MAP2: variants seen among roughly 807,000 people sequenced by gnomAD.
MAP2 encodes microtubule associated protein 2.
MAP2 carries 14 observed loss-of-function variants against 137.6 expected under a neutral mutation model. The ratio of observed to expected loss-of-function variants is 0.10; its 90% CI spans 0.07 to 0.16. MAP2 has a LOEUF of 0.16. MAP2 is among the 10% of genes least tolerant of loss of function. The pLI is 1.00. For synonymous variants in MAP2, 786 were observed against 782.3 expected, an observed-to-expected ratio of 1.00 and a Z score of -0.08; for missense variants, 2,088 against 2,191.5, an observed-to-expected ratio of 0.95 and a Z score of 0.94.
intron 1 of MAP2, among the ~76,000 whole-genome samples, chr2:209,493,161 C>CA (rs2059340927): frequency 6.6e-6 from 1 of 152,008 alleles, no homozygotes; most frequent in Non-Finnish European, 1.5e-5. Context: ...ACAAATGTGA[C>CA]AAAAACAAGC....
At chr2:209,456,235 A>G (rs542589242) in intron 1 of MAP2, among the ~76,000 whole-genome samples, 2 of 152,304 alleles carry the variant, frequency 1.3e-5, no homozygotes, top group East Asian at 3.9e-4. Context: ...GTGCATCCTT[A>G]GGAATTATAA....
chr2:209,435,998 T>TAATATATACCGTATATATTATATATA (rs1559159522), intron 1 of MAP2, among the ~76,000 whole-genome samples: 1 of 88,806 alleles, frequency 1.1e-5, no homozygotes, highest in African/African-American at 6.3e-5. Flanking sequence ...TATTATATAC[T>TAATATATACCGTATATATTATATATA]ATATATACAG....
intron 3 of MAP2, among the ~76,000 whole-genome samples, chr2:209,588,007 G>T (rs1038621984): frequency 2.0e-5 from 3 of 152,322 alleles, no homozygotes; most frequent in Non-Finnish European, 4.4e-5. Flanking sequence ...CTTGAGGAGA[G>T]AAGCCATGTT....
chr2:209,716,315 T>C (rs1254875102), intron 13 of MAP2, among the ~76,000 whole-genome samples: 2 of 152,226 alleles, frequency 1.3e-5, no homozygotes, highest in Non-Finnish European at 2.9e-5. Flanking sequence ...ATGAATGTAT[T>C]ATGCCATATT....
intron 1 of MAP2, among the ~76,000 whole-genome samples, chr2:209,467,581 A>G (rs957292794): frequency 1.3e-5 from 2 of 152,046 alleles, no homozygotes; most frequent in African/African-American, 4.8e-5. Context: ...CTTTCTCTGT[A>G]TTACCATTTT....
At chr2:209,627,840 T>G (rs994537729) in intron 4 of MAP2, among the ~76,000 whole-genome samples, 7 of 152,178 alleles carry the variant, frequency 4.6e-5, no homozygotes, top group Non-Finnish European at 7.4e-5. Flanking sequence ...TGCTGTGATA[T>G]CCTCACACTG....
chr2:209,694,388 G>A lies in MAP2; in HGVS notation c.2218G>A (p.Asp740Asn). ...TCTAACCAACACTAGTGGAAGTATGGATGAAGGGGATGATTACCTTCCAGC... is the reference window on the plus strand; with the variant it reads ...TCTAACCAACACTAGTGGAAGTATGAATGAAGGGGATGATTACCTTCCAGC... ...DILTNTSGSMDEGDDYLPATT... is the reference protein window; with the variant it reads ...DILTNTSGSMNEGDDYLPATT... Residue 740 changes from aspartate (D) to asparagine (N), a missense_variant, in exon 8 of 16, where the codon GAT becomes AAT. Coordinates refer to ENST00000682079, the MANE Select transcript of MAP2 (RefSeq NM_001375505.1). 1 of 1,614,100 alleles carries A rather than the reference G, an allele frequency of 6.2e-7. No homozygotes were observed. The highest frequency in any genetic ancestry group is 1.1e-5 in the South Asian group (1 of 91,072).
intron 3 of MAP2, among the ~76,000 whole-genome samples, chr2:209,589,605 A>G (rs1476938541): frequency 6.6e-6 from 1 of 152,222 alleles, no homozygotes; most frequent in East Asian, 1.9e-4. Flanking sequence ...TAGTAAAAAT[A>G]GCACAGTCTT....
At chr2:209,491,197 C>T (rs528419113) in intron 1 of MAP2, among the ~76,000 whole-genome samples, 1 of 152,272 alleles carries the variant, frequency 6.6e-6, no homozygotes, top group South Asian at 2.1e-4. Flanking sequence ...TAAATGACTA[C>T]TGGGTAAATA....
At chr2:209,454,791 G>A (rs1701156785) in intron 1 of MAP2, among the ~76,000 whole-genome samples, 1 of 151,462 alleles carries the variant, frequency 6.6e-6, no homozygotes, top group African/African-American at 2.5e-5. Context: ...CAGGTGCATT[G>A]CACTCATTGT....
chr2:209,657,113 C>T (rs367809233), intron 5 of MAP2, among the ~76,000 whole-genome samples: 6 of 152,218 alleles, frequency 3.9e-5, no homozygotes, highest in African/African-American at 1.4e-4. Context: ...TGATTTTATT[C>T]TTTTTTATGG....
At chr2:209,608,285 T>G (rs1277150995) in intron 3 of MAP2, among the ~76,000 whole-genome samples, 2 of 150,430 alleles carry the variant, frequency 1.3e-5, no homozygotes, top group Non-Finnish European at 2.9e-5. Context: ...CATTTCTCCT[T>G]GGAATCTTTT....
In MAP2 at chr2:209,732,981, T is replaced by G. The variant is rs542002160; in HGVS notation, c.*2584T>G. The G allele has an allele frequency of 6.5e-6, 1 of 152,734 alleles. No individual in the cohort carries two copies. Among genetic ancestry groups the G allele is most frequent in the East Asian group, 1.9e-4 (1 of 5,178 alleles). The allele number at this position is 152,734 out of a possible 1,614,324, so 9.5% of individuals were successfully genotyped here. ...TTGTGGGGTTAAGGGGTAGAACCTATCTTGCCTTCACTCTCAAGATAACGA... is the reference window on the plus strand; with the variant it reads ...TTGTGGGGTTAAGGGGTAGAACCTAGCTTGCCTTCACTCTCAAGATAACGA... On this transcript the variant is annotated 3_prime_UTR_variant, in exon 16 of 16. Transcript: ENST00000682079.
rs1056184838 is a variant in MAP2 at position 209,734,104 on chromosome 2, G to A, written c.*3707G>A. 1 of 152,454 alleles carries A rather than the reference G, an allele frequency of 6.6e-6. No homozygotes were observed. Among genetic ancestry groups the A allele is most frequent in the African/African-American group, 2.4e-5 (1 of 41,402 alleles). 9.4% of individuals were successfully genotyped at this position (152,454 alleles called of 1,614,324 possible). A position where few individuals can be genotyped will look rare whatever the true frequency, so the allele number is the denominator to read the frequency against. ...ATTGTTTTGCAAAATAAAATTGCTT[G>A]TCACCTAACTGCTAGTTTTGGTTTC... On this transcript the variant is annotated 3_prime_UTR_variant, in exon 16 of 16. Coordinates refer to ENST00000682079, the MANE Select transcript of MAP2 (RefSeq NM_001375505.1).
chr2:209,598,701 G>GGTTTTTT (rs2082107606), intron 3 of MAP2, among the ~76,000 whole-genome samples: 1 of 150,264 alleles, frequency 6.7e-6, no homozygotes, highest in Non-Finnish European at 1.5e-5. Flanking sequence ...TGTGGTGTTT[G>GGTTTTTT]GTTTTTTGTT....
intron 2 of MAP2, among the ~76,000 whole-genome samples, chr2:209,557,262 T>C (rs2070901228): frequency 6.6e-6 from 1 of 152,230 alleles, no homozygotes; most frequent in Non-Finnish European, 1.5e-5. Flanking sequence ...TCTCACATAA[T>C]GGGAGCATTT....
At chr2:209,487,896 C>G (rs1222690930) in intron 1 of MAP2, among the ~76,000 whole-genome samples, 3 of 152,104 alleles carry the variant, frequency 2.0e-5, no homozygotes, top group Non-Finnish European at 4.4e-5. Context: ...GAAGGAAAAA[C>G]AAAAGGAACT....
At chr2:209,658,802 C>T (rs1276766140) in intron 5 of MAP2, among the ~76,000 whole-genome samples, 3 of 152,196 alleles carry the variant, frequency 2.0e-5, no homozygotes, top group Admixed American at 6.5e-5. Flanking sequence ...CCACTGCGCC[C>T]GGCCGAGAGG....
chr2:209,628,095 G>A (rs769735348), intron 4 of MAP2, among the ~76,000 whole-genome samples: 1 of 152,098 alleles, frequency 6.6e-6, no homozygotes, highest in East Asian at 1.9e-4. Context: ...GGCCGGGCAC[G>A]GTGACTCACG....
Sources: gnomAD v4.1 joint callset for allele counts (sites outside exome capture counted in the v4.1 genomes callset) on GRCh38, gnomAD v4.1.1 for gene constraint, MANE v1.5 for transcripts, NCBI Gene and HGNC (gene_info 2026-07-23, HGNC 2026-07-21) for gene names.